DDHD1: variants seen among roughly 807,000 people sequenced by gnomAD.
DDHD1 encodes the protein DDHD domain containing 1.
In DDHD1, 49 loss-of-function variants were observed where a neutral mutation model predicts 96.4. The observed-to-expected ratio is 0.51, with a 90% confidence interval of 0.40 to 0.64. DDHD1 has a LOEUF of 0.64. DDHD1 is among the 30% of genes least tolerant of loss of function. The probability of loss-of-function intolerance (pLI) is 0.00; values close to 1 mark genes in which losing one functional copy is unlikely to be tolerated. For synonymous variants in DDHD1, 442 were observed against 446.5 expected (o/e 0.99, Z 0.13); for missense variants, 1,106 against 1,161.2 (o/e 0.95, Z 0.69).
At chr14:53,091,413 C>A (rs1007522537) in intron 4 of DDHD1, among the ~76,000 whole-genome samples, 1 of 152,106 alleles carries the variant, frequency 6.6e-6, no homozygotes, top group Non-Finnish European at 1.5e-5. Flanking sequence ...AATTCTTAGC[C>A]TTTTTAGAGT....
At chr14:53,147,078 C>T (rs911315245) in intron 1 of DDHD1, among the ~76,000 whole-genome samples, 1 of 151,944 alleles carries the variant, frequency 6.6e-6, no homozygotes, top group East Asian at 1.9e-4. Context: ...TATTTTTCAT[C>T]TTAGGCTTCC....
chr14:53,124,214 G>A (rs867675552), intron 1 of DDHD1, among the ~76,000 whole-genome samples: 19 of 148,328 alleles, frequency 1.3e-4, no homozygotes, highest in Admixed American at 8.7e-4. Context: ...CAGCCTGGGC[G>A]ACAAGAGTGA....
chr14:53,135,987 A>G (rs1297961005), intron 1 of DDHD1, among the ~76,000 whole-genome samples: 3 of 152,228 alleles, frequency 2.0e-5, no homozygotes, highest in African/African-American at 7.2e-5. Context: ...GAAGATCCAC[A>G]AAAGTGAAAA....
At chr14:53,142,085 T>G (rs529148012) in intron 1 of DDHD1, among the ~76,000 whole-genome samples, 51 of 152,344 alleles carry the variant, frequency 3.3e-4, no homozygotes, top group African/African-American at 1.2e-3. Context: ...TGATAACTCT[T>G]GGAAGCAGGA....
chr14:53,148,708 G>GC (rs755615013), intron 1 of DDHD1, among the ~76,000 whole-genome samples: 10 of 152,166 alleles, frequency 6.6e-5, no homozygotes, highest in Non-Finnish European at 1.3e-4. Flanking sequence ...CCACTTTCTT[G>GC]CCAATGTTCC....
chr14:53,152,957 C>G lies in DDHD1; in HGVS notation c.142G>C (p.Asp48His). ...AGGGGCACGTCGCCGTCGTCCGGGT[C>G]CCCGCCGGGCAGGTGCTCGAAGCAG... ...VCCFEHLPGGDPDDGDVPLAL... is the reference protein window; with the variant it reads ...VCCFEHLPGGHPDDGDVPLAL... Residue 48 changes from aspartate to histidine, a missense_variant, in exon 1 of 13, where the codon GAC (aspartate) becomes CAC (histidine). By Grantham distance (81) the Asp-to-His change is moderately conservative. Coordinates refer to ENST00000673822, the MANE Select transcript of DDHD1 (RefSeq NM_001160148.2). 1.9e-6 allele frequency: 3 copies of G among 1,588,584 alleles called. No individual in the cohort carries two copies. Among genetic ancestry groups the G allele is most frequent in the Non-Finnish European group, 2.6e-6 (3 of 1,170,306 alleles).
chr14:53,104,001 A>G lies in DDHD1; in HGVS notation c.839-145T>C, dbSNP rs10134631. 9,240 of 683,738 alleles carry G rather than the reference A, an allele frequency of 0.014. 695 individuals carry two copies. The African/African-American group carries it at 0.15, about 11-fold the overall frequency. 42.4% of individuals were successfully genotyped at this position (683,738 alleles called of 1,614,324 possible). A position where few individuals can be genotyped will look rare whatever the true frequency, so the allele number is the denominator to read the frequency against. The stretch of plus-strand genomic sequence containing the variant: ...AATACAATCATCTAAACTTTTATTT[A>G]TGTTTATTTATTTTGAGATATTTAT... On this transcript the variant is annotated intron_variant, in intron 1 of 12. Coordinates refer to ENST00000673822, the MANE Select transcript of DDHD1 (RefSeq NM_001160148.2).
Position 53,046,840 on chromosome 14 carries a change from G to C in DDHD1, c.2631C>G (p.Ala877=). 1 of 1,613,212 alleles carries C rather than the reference G, an allele frequency of 6.2e-7. No individual in the cohort carries two copies. The highest frequency in any genetic ancestry group is 2.2e-5 in the East Asian group (1 of 44,804). The part of the protein sequence containing the change: ...HTAYWSSLDV[A]LFLLTFMYKH... ...TATACATGAAGGTTAAAAGAAAAAGGGCAACATCCAAGGATGACCAATAGG... is the reference window on the plus strand; with the variant it reads ...TATACATGAAGGTTAAAAGAAAAAGCGCAACATCCAAGGATGACCAATAGG... The change falls in exon 13 of 13, where the codon GCC becomes GCG. Residue 877 remains alanine, a synonymous_variant. Transcript: ENST00000673822.
intron 12 of DDHD1, among the ~76,000 whole-genome samples, chr14:53,047,536 CAT>C (rs1882124422): frequency 6.6e-6 from 1 of 152,214 alleles, no homozygotes; most frequent in South Asian, 2.1e-4. Flanking sequence ...CAGGGTCTAA[CAT>C]GTGCCTGGGA....
chr14:53,070,324 T>C (rs927063191), intron 6 of DDHD1, among the ~76,000 whole-genome samples: 1 of 152,236 alleles, frequency 6.6e-6, no homozygotes, highest in Non-Finnish European at 1.5e-5. Flanking sequence ...CCTCCGTTTA[T>C]AGTTAATATC....
intron 1 of DDHD1, chr14:53,149,664 T>C (rs1344815634): frequency 6.6e-6 from 1 of 152,194 alleles, no homozygotes; most frequent in East Asian, 1.9e-4. Flanking sequence ...AGAGAACTAT[T>C]TAGAAAATGC....
chr14:53,146,745 G>A (rs1891010156), intron 1 of DDHD1, among the ~76,000 whole-genome samples: 1 of 152,108 alleles, frequency 6.6e-6, no homozygotes, highest in Admixed American at 6.5e-5. Flanking sequence ...AATTGTCAGT[G>A]ATTCAACACT....
chr14:53,052,327 T>G, intron 11 of DDHD1, among the ~76,000 whole-genome samples: 1 of 152,064 alleles, frequency 6.6e-6, no homozygotes, highest in East Asian at 1.9e-4. Flanking sequence ...ACACTAGTTC[T>G]TCACATAAAG....
intron 1 of DDHD1, among the ~76,000 whole-genome samples, chr14:53,146,710 T>C (rs1891008131): frequency 6.6e-6 from 1 of 152,228 alleles, no homozygotes. Context: ...ATCTGCATTG[T>C]GGTTTTCTTC....
chr14:53,098,106 C>T (rs979526762), intron 2 of DDHD1, among the ~76,000 whole-genome samples: 2 of 151,850 alleles, frequency 1.3e-5, no homozygotes, highest in African/African-American at 4.8e-5. Context: ...AAACAAAGAT[C>T]ACTGTTAAAG....
chr14:53,063,695 T>C (rs1263099508), intron 6 of DDHD1, among the ~76,000 whole-genome samples: 3 of 152,066 alleles, frequency 2.0e-5, no homozygotes, highest in Admixed American at 6.6e-5. Flanking sequence ...GATAGAGTAA[T>C]GTAATAAAAG....
At chr14:53,129,847 C>T (rs764764678) in intron 1 of DDHD1, among the ~76,000 whole-genome samples, 4 of 152,152 alleles carry the variant, frequency 2.6e-5, no homozygotes, top group Admixed American at 2.0e-4. Context: ...GGCCAGAAAA[C>T]GGCACTTTTG....
rs953309787 is a variant in DDHD1 at position 53,058,060 on chromosome 14, G to C, written c.1992+417C>G. ...TCACCATGTTGCCCAGGCTAGTCTCGAACTTGAGCTCAGGCAGTCTGCCTG... is the reference window on the plus strand; with the variant it reads ...TCACCATGTTGCCCAGGCTAGTCTCCAACTTGAGCTCAGGCAGTCTGCCTG... On this transcript the variant is annotated intron_variant, in intron 9 of 12. Transcript: ENST00000673822. Among the ~76,000 whole-genome samples, 3 of 152,130 alleles carry C rather than the reference G, an allele frequency of 2.0e-5. 1 individual carries two copies. The South Asian group carries it at 6.2e-4, about 31-fold the overall frequency.
At chr14:53,054,325 C>T in intron 11 of DDHD1, 113 bp downstream of exon 11, 1 of 875,092 alleles carries the variant, frequency 1.1e-6, no homozygotes, top group East Asian at 2.7e-5. Flanking sequence ...AAAGTTAAGG[C>T]ACACTTTAGA....
Sources: allele counts gnomAD v4.1 joint callset (sites outside exome capture counted in the v4.1 genomes callset), GRCh38; gene constraint gnomAD v4.1.1; transcripts MANE v1.5; gene names NCBI Gene and HGNC (gene_info 2026-07-23, HGNC 2026-07-21).